The following CCSER1 variants were observed in gnomAD, a reference collection of about 807,000 sequenced individuals.
CCSER1 encodes serine-rich coiled-coil domain-containing protein 1.
Under a neutral mutation model 82.0 loss-of-function variants are expected in CCSER1, and 41 were observed. That is an observed-to-expected ratio of 0.50 (90% CI 0.39 to 0.65). CCSER1 has a LOEUF of 0.65. CCSER1 is among the 30% of genes least tolerant of loss of function. The pLI is 0.00. For missense variants in CCSER1, 1,119 were observed against 1,064.2 expected (o/e 1.05, Z -0.72); for synonymous variants, 414 against 383.9 (o/e 1.08, Z -0.92).
intron 10 of CCSER1, among the ~76,000 whole-genome samples, chr4:91,560,016 T>C (rs950779376): frequency 7.9e-5 from 12 of 151,604 alleles, no homozygotes; most frequent in Admixed American, 4.0e-4. Flanking sequence ...TGTCATCAAT[T>C]GACAGATGAG....
At chr4:90,180,582 C>CT (rs1045654934) in intron 1 of CCSER1, among the ~76,000 whole-genome samples, 1 of 151,730 alleles carries the variant, frequency 6.6e-6, no homozygotes, top group African/African-American at 2.4e-5. Flanking sequence ...GAGCAAGACT[C>CT]TGTCTCAAAA....
chr4:90,418,741 T>C (rs1487305085), intron 4 of CCSER1, among the ~76,000 whole-genome samples: 1 of 152,044 alleles, frequency 6.6e-6, no homozygotes, highest in Non-Finnish European at 1.5e-5. Flanking sequence ...TCTGTTCTAA[T>C]AGCTTTTTAA....
At chr4:91,386,126 C>A (rs963869881) in intron 10 of CCSER1, among the ~76,000 whole-genome samples, 4 of 151,274 alleles carry the variant, frequency 2.6e-5, no homozygotes, top group African/African-American at 9.7e-5. Flanking sequence ...AAATACCATT[C>A]CCCAGTGAAT....
At chr4:91,039,223 T>TTA (rs1741710370) in intron 9 of CCSER1, among the ~76,000 whole-genome samples, 1 of 151,116 alleles carries the variant, frequency 6.6e-6, no homozygotes, top group Non-Finnish European at 1.5e-5. Flanking sequence ...TTTTTTTTTT[T>TTA]ATGGAGACAG....
At position 91,132,502 on chromosome 4, in the gene CCSER1, T is replaced by C. The variant is rs539265029; in HGVS notation, c.2217+46508T>C. On this transcript the variant is annotated intron_variant, in intron 10 of 10. Coordinates refer to ENST00000509176, the MANE Select transcript of CCSER1 (RefSeq NM_001145065.2). ...CAATTGCCCTGCAATTAAAATGAGA[T>C]CTGAAGAATGTATTCGTTAATTCTG... Among the ~76,000 whole-genome samples the C allele has an allele frequency of 4.1e-4, 62 of 152,338 alleles. 2 individuals carry two copies. In the South Asian group the frequency reaches 0.013, roughly 31 times the overall value.
chr4:91,269,473 C>T (rs934910323), intron 10 of CCSER1, among the ~76,000 whole-genome samples: 3 of 152,026 alleles, frequency 2.0e-5, no homozygotes, highest in African/African-American at 7.2e-5. Flanking sequence ...CTCATATAAG[C>T]TTAAATAGAA....
intron 10 of CCSER1, among the ~76,000 whole-genome samples, chr4:91,429,307 C>T (rs1044094895): frequency 1.3e-5 from 2 of 151,926 alleles, no homozygotes; most frequent in Middle Eastern, 3.4e-3. Flanking sequence ...AATTTAAGTA[C>T]GTTCAAATGC....
intron 5 of CCSER1, among the ~76,000 whole-genome samples, chr4:90,601,589 A>C (rs1784045063): frequency 6.7e-6 from 1 of 150,194 alleles, no homozygotes; most frequent in Admixed American, 6.6e-5. Flanking sequence ...TTCTCACATT[A>C]GGTTTCATTT....
intron 10 of CCSER1, among the ~76,000 whole-genome samples, chr4:91,594,541 G>A (rs78515689): frequency 0.1 from 15,227 of 149,838 alleles, 785 homozygotes; most frequent in Middle Eastern, 0.17. Flanking sequence ...CCATCCTTCC[G>A]ATCCAAATGC....
chr4:91,275,902 T>C (rs1485110733), intron 10 of CCSER1, among the ~76,000 whole-genome samples: 1 of 152,184 alleles, frequency 6.6e-6, no homozygotes, highest in Non-Finnish European at 1.5e-5. Flanking sequence ...CCCAGCACCA[T>C]TTATTGAAGG....
At chr4:90,846,760 C>T (rs1455447517) in intron 8 of CCSER1, among the ~76,000 whole-genome samples, 2 of 152,122 alleles carry the variant, frequency 1.3e-5, no homozygotes, top group Non-Finnish European at 2.9e-5. Flanking sequence ...TCATCATTCT[C>T]CTGCCTCAGC....
chr4:91,249,716 G>C (rs568265940), intron 10 of CCSER1, among the ~76,000 whole-genome samples: 1 of 151,984 alleles, frequency 6.6e-6, no homozygotes, highest in Non-Finnish European at 1.5e-5. Context: ...ACTTTCTGCT[G>C]TCTTGGTAGT....
intron 9 of CCSER1, among the ~76,000 whole-genome samples, chr4:90,975,800 A>G (rs1735559973): frequency 6.6e-6 from 1 of 151,280 alleles, no homozygotes; most frequent in Non-Finnish European, 1.5e-5. Context: ...TCCTATGTAT[A>G]TTTGTAACAA....
intron 6 of CCSER1, among the ~76,000 whole-genome samples, chr4:90,681,928 G>T (rs1472212854): frequency 6.6e-6 from 1 of 151,596 alleles, no homozygotes; most frequent in South Asian, 2.1e-4. Flanking sequence ...TAATGTTTTT[G>T]ATTTTCTAGT....
At chr4:91,386,214 T>C (rs551173008) in intron 10 of CCSER1, among the ~76,000 whole-genome samples, 1 of 151,802 alleles carries the variant, frequency 6.6e-6, no homozygotes, top group Non-Finnish European at 1.5e-5. Context: ...GGAGAAACTT[T>C]TGATGTCAGA....
rs571802773 is a variant in CCSER1, at chr4:90,724,244, AG to A, written c.2010+255del. On this transcript the variant is annotated intron_variant, in intron 7 of 10. Coordinates refer to ENST00000509176, the MANE Select transcript of CCSER1 (RefSeq NM_001145065.2). The stretch of plus-strand genomic sequence containing the variant: ...GTAAATGGTGGAGTTTTATTGTAAT[AG>A]GTTGATTCACATGAATTAGAGGTTT... Among the ~76,000 whole-genome samples the A allele has an allele frequency of 1.8e-4, 28 of 152,094 alleles. No individual in the cohort carries two copies. The South Asian group carries it at 5.8e-3, about 32-fold the overall frequency.
intron 5 of CCSER1, among the ~76,000 whole-genome samples, chr4:90,600,139 G>A (rs1340407228): frequency 6.6e-6 from 1 of 152,136 alleles, no homozygotes; most frequent in Non-Finnish European, 1.5e-5. Flanking sequence ...ATTGTTTACA[G>A]TTTGAGGTTA....
At chr4:91,067,358 T>C (rs1193152582) in intron 9 of CCSER1, among the ~76,000 whole-genome samples, 1 of 151,838 alleles carries the variant, frequency 6.6e-6, no homozygotes, top group East Asian at 1.9e-4. Flanking sequence ...TCTTTTTTTT[T>C]TGCTGAGACA....
intron 3 of CCSER1, among the ~76,000 whole-genome samples, chr4:90,365,029 A>G (rs931857419): frequency 2.0e-5 from 3 of 151,942 alleles, no homozygotes; most frequent in African/African-American, 7.2e-5. Flanking sequence ...GACAAAATAT[A>G]TGAGATGTTG....
Sources: gnomAD v4.1 joint callset for allele counts (sites outside exome capture counted in the v4.1 genomes callset) on GRCh38, gnomAD v4.1.1 for gene constraint, MANE v1.5 for transcripts, NCBI Gene and HGNC (gene_info 2026-07-23, HGNC 2026-07-21) for gene names.